Variants in FERRY3 observed in about 807,000 individuals in gnomAD.
The protein encoded by FERRY3 is protein C12orf4.
chr12:4,489,787 G>A, the FERRY3 span: 33 of 1,521,916 alleles, frequency 2.2e-5, 1 homozygote, highest in Non-Finnish European at 3.0e-5. Context: ...TCTTCTGCCA[G>A]CATGTCAATC....
chr12:4,513,319 A>ATAC, the FERRY3 span, among the ~76,000 whole-genome samples: 1 of 152,004 alleles, frequency 6.6e-6, no homozygotes, highest in African/African-American at 2.4e-5. Context: ...ATACTGCCCA[A>ATAC]GGTAATTTAC....
the FERRY3 span, among the ~76,000 whole-genome samples, chr12:4,490,086 T>A: frequency 6.6e-6 from 1 of 152,136 alleles, no homozygotes; most frequent in South Asian, 2.1e-4. Flanking sequence ...GGCTCCATCT[T>A]CTGAGAACTT....
At chr12:4,496,021 A>C in the FERRY3 span, among the ~76,000 whole-genome samples, 1 of 152,214 alleles carries the variant, frequency 6.6e-6, no homozygotes, top group Non-Finnish European at 1.5e-5. Context: ...TTAGCAGCGT[A>C]TGACTCTAAG....
chr12:4,505,019 C>T, the FERRY3 span, among the ~76,000 whole-genome samples: 11 of 152,146 alleles, frequency 7.2e-5, no homozygotes, highest in African/African-American at 2.7e-4. Context: ...GCAGGAGAAT[C>T]GCTTGAACCC....
the FERRY3 span, chr12:4,500,434 T>A: frequency 9.3e-7 from 1 of 1,079,846 alleles, no homozygotes. Context: ...GCAATCAATG[T>A]GTTGAACTAG....
chr12:4,532,315 C>T, the FERRY3 span, among the ~76,000 whole-genome samples: 1 of 152,110 alleles, frequency 6.6e-6, no homozygotes, highest in Non-Finnish European at 1.5e-5. Context: ...GCACACAGCA[C>T]TGTACAGCAT....
At chr12:4,503,178 T>C in the FERRY3 span, among the ~76,000 whole-genome samples, 4 of 152,336 alleles carry the variant, frequency 2.6e-5, no homozygotes, top group South Asian at 2.1e-4. Flanking sequence ...TGACCTTAAA[T>C]GACTTGTTTC....
At chr12:4,505,305 C>A in the FERRY3 span, 1 of 1,567,318 alleles carries the variant, frequency 6.4e-7, no homozygotes, top group African/African-American at 1.4e-5. Context: ...GAAATACTTA[C>A]CAGGTAAAAC....
At chr12:4,530,264 A>G in the FERRY3 span, among the ~76,000 whole-genome samples, 17 of 152,286 alleles carry the variant, frequency 1.1e-4, no homozygotes, top group African/African-American at 3.8e-4. Context: ...AGTTCTTAAT[A>G]TAAGTTACCC....
At chr12:4,536,997 T>G in the FERRY3 span, among the ~76,000 whole-genome samples, 2 of 152,214 alleles carry the variant, frequency 1.3e-5, no homozygotes, top group African/African-American at 4.8e-5. Context: ...AAACTTTCTA[T>G]GACATTCCAT....
the FERRY3 span, chr12:4,518,257 TG>T: frequency 3.0e-5 from 49 of 1,613,726 alleles, no homozygotes; most frequent in Non-Finnish European, 4.0e-5. Flanking sequence ...ACTGGGCTCC[TG>T]GGGGTAGGCA....
At chr12:4,518,910 TTA>T in the FERRY3 span, 1 of 1,410,680 alleles carries the variant, frequency 7.1e-7, no homozygotes, top group Non-Finnish European at 9.6e-7. Flanking sequence ...TGATATACTT[TTA>T]TGTTTGTCAA....
chr12:4,523,336 G>C, the FERRY3 span, among the ~76,000 whole-genome samples: 5 of 152,170 alleles, frequency 3.3e-5, no homozygotes, highest in African/African-American at 1.2e-4. Context: ...AAATGAAATT[G>C]ATTCTACACT....
the FERRY3 span, among the ~76,000 whole-genome samples, chr12:4,514,097 C>T: frequency 6.6e-6 from 1 of 151,438 alleles, no homozygotes; most frequent in Admixed American, 6.6e-5. Context: ...CATGAACAGA[C>T]ACTTCTCAAA....
chr12:4,528,940 AAC>A, the FERRY3 span, among the ~76,000 whole-genome samples: 15 of 117,352 alleles, frequency 1.3e-4, no homozygotes, highest in African/African-American at 4.2e-4. Flanking sequence ...CACACACACA[AAC>A]AAAAGTGATT....
chr12:4,520,445 A>G, the FERRY3 span, among the ~76,000 whole-genome samples: 1 of 152,368 alleles, frequency 6.6e-6, no homozygotes, highest in Non-Finnish European at 1.5e-5. Context: ...AGGCAGAGCA[A>G]AAGTATGGAG....
the FERRY3 span, among the ~76,000 whole-genome samples, chr12:4,495,359 T>C: frequency 6.6e-6 from 1 of 152,196 alleles, no homozygotes; most frequent in Admixed American, 6.5e-5. Flanking sequence ...GTACTATTTA[T>C]ACTGTTTTAA....
At chr12:4,521,157 A>G in the FERRY3 span, among the ~76,000 whole-genome samples, 1 of 152,092 alleles carries the variant, frequency 6.6e-6, no homozygotes, top group Non-Finnish European at 1.5e-5. Context: ...TCAGGAGTTC[A>G]AGACCAGCCT....
At chr12:4,500,639 G>A in the FERRY3 span, among the ~76,000 whole-genome samples, 1 of 151,842 alleles carries the variant, frequency 6.6e-6, no homozygotes, top group Non-Finnish European at 1.5e-5. Context: ...ACATGCCCAA[G>A]ATGTCAAATT....
Sources: gnomAD v4.1 joint callset for allele counts (sites outside exome capture counted in the v4.1 genomes callset) on GRCh38, gnomAD v4.1.1 for gene constraint, MANE v1.5 for transcripts, NCBI Gene and HGNC (gene_info 2026-07-23, HGNC 2026-07-21) for gene names.